SLC34A1: variants seen among roughly 807,000 people sequenced by gnomAD.
SLC34A1 encodes the protein sodium-dependent phosphate transport protein 2A.
SLC34A1 carries 57 observed loss-of-function variants against 51.4 expected under a neutral mutation model. The observed-to-expected ratio is 1.11, with a 90% CI of 0.90 to 1.38. SLC34A1 has a LOEUF of 1.38. SLC34A1 is among the 40% of genes most tolerant of loss of function. SLC34A1 has a pLI of 0.00. For synonymous variants in SLC34A1, 368 were observed against 358.0 expected, an observed-to-expected ratio of 1.03 and a Z score of -0.32; for missense variants, 796 against 835.6, an observed-to-expected ratio of 0.95 and a Z score of 0.58.
At chr5:177,397,297 TGA>T (rs1763002835) in intron 12 of SLC34A1, 1 of 580,172 alleles carries the variant, frequency 1.7e-6, no homozygotes, top group Non-Finnish European at 3.0e-6. Flanking sequence ...TAAATAGCAG[TGA>T]GTCGGATTTG....
rs1419418738 is a variant in SLC34A1, at chr5:177,386,241, C to A, written c.280C>A (p.Leu94Met). 11 of 1,544,004 alleles carry A rather than the reference C, an allele frequency of 7.1e-6. 1 individual carries two copies. The South Asian group carries it at 7.8e-5, about 11-fold the overall frequency. Residue 94 changes from leucine to methionine, a missense_variant, in exon 4 of 13, where the codon CTG (leucine) becomes ATG (methionine). Physicochemically the swap from Leu to Met is conservative, Grantham distance 15 (BLOSUM62 2). Coordinates refer to ENST00000324417, the MANE Select transcript of SLC34A1 (RefSeq NM_003052.5). The surrounding 1 kb of genome is among the most constrained non-coding windows in gnomAD (Gnocchi z 4.8). ...QKPESRLVPK[L>M]RQAGAMLLKV... The stretch of plus-strand genomic sequence containing the variant: ...TCCAGAGTCCAGGCTGGTCCCCAAG[C>A]TGCGCCAGGCTGGCGCCATGCTGCT...
chr5:177,385,549 C>T (rs550839296), intron 1 of SLC34A1, 146 bp from the exon 2 acceptor site: 11 of 645,740 alleles, frequency 1.7e-5, no homozygotes, highest in South Asian at 8.5e-5. Flanking sequence ...TGTGTTTGTG[C>T]GTGTGAGTCT....
intron 12 of SLC34A1, 124 bp from the exon 13 acceptor site, chr5:177,397,659 C>A: frequency 7.7e-7 from 1 of 1,304,088 alleles, no homozygotes; most frequent in Non-Finnish European, 1.1e-6. Flanking sequence ...GGGCACATCA[C>A]CCCTAAGTGG....
At chr5:177,397,701 T>C in intron 12 of SLC34A1, 82 bp from the exon 13 acceptor site, 1 of 1,571,316 alleles carries the variant, frequency 6.4e-7, no homozygotes, top group South Asian at 1.1e-5. Context: ...CAGATCGGGG[T>C]TCCTATCATC....
Position 177,385,798 on chromosome 5 carries a change from T to TG in SLC34A1, c.63dup (p.His22AlafsTer38), listed in dbSNP as rs1410314440. ...CTGCTGTCTCCCCACTCCCAGTCCG[T>TG]GGGGGGCATGTGATGCGAGGGACGG... On this transcript the variant is annotated frameshift_variant, in exon 2 of 13. Transcript: ENST00000324417. LOFTEE classifies it high-confidence loss of function. 1.9e-6 allele frequency: 3 copies of TG among 1,613,258 alleles called. No individual in the cohort carries two copies. The highest frequency in any genetic ancestry group is 1.1e-5 in the South Asian group (1 of 90,834).
intron 9 of SLC34A1, 55 bp downstream of exon 9, chr5:177,393,818 T>C: frequency 1.3e-6 from 2 of 1,580,970 alleles, no homozygotes; most frequent in Non-Finnish European, 1.7e-6. Flanking sequence ...AGCCTAGCAG[T>C]GGCAGGGCAA....
chr5:177,398,019 G>A lies in SLC34A1; in HGVS notation c.1653G>A (p.Leu551=), dbSNP rs192289984. 3 of 1,614,106 alleles carry A rather than the reference G, an allele frequency of 1.9e-6. No individual in the cohort carries two copies. Among genetic ancestry groups the A allele is most frequent in the Admixed American group, 3.3e-5 (2 of 60,030 alleles). Residue 551 remains leucine, a synonymous_variant, in exon 13 of 13, where the codon CTG becomes CTA. Coordinates refer to ENST00000324417, the MANE Select transcript of SLC34A1 (RefSeq NM_003052.5). The surrounding 1 kb of genome is among the most constrained non-coding windows in gnomAD (Gnocchi z 4.7). ...GTGTGGGCACGCCCTTCGGGGCCCT[G>A]CTGGCCTTCGTGGTGCTCATCAATG... The part of the protein sequence containing the change: ...MVGVGTPFGA[L]LAFVVLINVL...
intron 8 of SLC34A1, among the ~76,000 whole-genome samples, chr5:177,389,239 A>G (rs1286336752): frequency 6.6e-6 from 1 of 152,186 alleles, no homozygotes; most frequent in Non-Finnish European, 1.5e-5. Context: ...CATCCAAACC[A>G]CAATGCACCA....
intron 12 of SLC34A1, 57 bp downstream of exon 12, chr5:177,397,131 G>A: frequency 7.5e-6 from 12 of 1,594,374 alleles, no homozygotes; most frequent in Non-Finnish European, 1.0e-5. Flanking sequence ...TGGGGTGTGG[G>A]GCCTCACAAA....
chr5:177,393,669 C>T (rs1457651674), intron 8 of SLC34A1, 25 bp from the exon 9 acceptor site: 2 of 1,613,126 alleles, frequency 1.2e-6, no homozygotes, highest in Non-Finnish European at 1.7e-6. Flanking sequence ...TCCTAATTCA[C>T]TAAGTCACCC....
In SLC34A1 at chr5:177,387,806, A is replaced by T. The variant is rs768799964; in HGVS notation, c.577A>T (p.Ile193Phe). Reference sequence around the variant, plus strand: ...CATCCCCATCATCATGGGCTCCAACATCGGCACCTCTGTCACCAACACCAT... The same window carrying T: ...CATCCCCATCATCATGGGCTCCAACTTCGGCACCTCTGTCACCAACACCAT... Reference protein sequence around the residue: ...SAIPIIMGSNIGTSVTNTIVA... With the variant: ...SAIPIIMGSNFGTSVTNTIVA... Residue 193 changes from isoleucine to phenylalanine, a missense_variant, in exon 6 of 13, where the codon ATC (isoleucine) becomes TTC (phenylalanine). Physicochemically the swap from Ile to Phe is conservative, Grantham distance 21. Coordinates refer to ENST00000324417, the MANE Select transcript of SLC34A1 (RefSeq NM_003052.5). The T allele has an allele frequency of 2.3e-5, 37 of 1,612,410 alleles. 1 individual carries two copies. In the South Asian group the frequency reaches 4.1e-4, roughly 18 times the overall value.
Position 177,389,756 on chromosome 5 carries a change from G to T in SLC34A1, c.936+1384G>T, listed in dbSNP as rs563693897. Reference sequence around the variant, plus strand: ...CTGCCGGCCACCTACTGCAGCTTCCGGCAGATCTCAACCAGCAGCCTCCAC... The same window carrying T: ...CTGCCGGCCACCTACTGCAGCTTCCTGCAGATCTCAACCAGCAGCCTCCAC... On this transcript the variant is annotated intron_variant, in intron 8 of 12. Transcript: ENST00000324417. 8.0e-5 allele frequency: 123 copies of T among 1,536,970 alleles called. No homozygotes were observed. The Middle Eastern group carries it at 1.7e-3, about 21-fold the overall frequency.
chr5:177,397,736 C>CA, intron 12 of SLC34A1, 47 bp from the exon 13 acceptor site: 1 of 1,600,286 alleles, frequency 6.2e-7, no homozygotes, highest in Non-Finnish European at 8.5e-7. Context: ...TGACACAGGA[C>CA]CTGGGAGCCA....
intron 5 of SLC34A1, 23 bp from the exon 6 acceptor site, chr5:177,387,739 T>C (rs1405066851): frequency 6.3e-7 from 1 of 1,597,082 alleles, no homozygotes; most frequent in Non-Finnish European, 8.6e-7. Context: ...TCAAATTCAT[T>C]AGGACGTCTT....
rs759023025 is a variant in SLC34A1 at position 177,396,197 on chromosome 5, G to A, written c.1175-536G>A. Among the ~76,000 whole-genome samples the A allele has an allele frequency of 2.0e-5, 3 of 152,206 alleles. No homozygotes were observed. The highest frequency in any genetic ancestry group is 2.9e-5 in the Non-Finnish European group (2 of 68,034). On this transcript the variant is annotated intron_variant, in intron 10 of 12. Coordinates refer to ENST00000324417, the MANE Select transcript of SLC34A1 (RefSeq NM_003052.5). The surrounding 1 kb of genome is among the most constrained non-coding windows in gnomAD (Gnocchi z 4.0). ...GGAGAAAAAGTCTGCTCCAGAGCAG[G>A]GGGTCAGGGAAGGCTTTCCAGAGGA...
Position 177,396,975 on chromosome 5 carries a change from G to A in SLC34A1, c.1317G>A (p.Arg439=), listed in dbSNP as rs1297441641. The part of the protein sequence containing the change: ...LIGLGVISIE[R]AYPLTLGSNI... ...GTCTTGGTGTGATCAGCATTGAGAG[G>A]GCCTACCCGCTCACACTGGGTTCCA... The change falls in exon 12 of 13, where the codon AGG becomes AGA. Residue 439 remains arginine (R), a synonymous_variant. Transcript: ENST00000324417. The surrounding 1 kb of genome is among the most constrained non-coding windows in gnomAD (Gnocchi z 4.0). 1 of 1,614,010 alleles carries A rather than the reference G, an allele frequency of 6.2e-7. No individual in the cohort carries two copies. The highest frequency in any genetic ancestry group is 1.3e-5 in the African/African-American group (1 of 74,932).
At chr5:177,397,243 G>C in intron 12 of SLC34A1, 169 bp downstream of exon 12, 1 of 740,562 alleles carries the variant, frequency 1.4e-6, no homozygotes, top group East Asian at 2.7e-5. Context: ...CCACCCTCGA[G>C]ACCTTAGCAT....
chr5:177,395,817 A>G (rs1762937266), intron 10 of SLC34A1, among the ~76,000 whole-genome samples: 1 of 152,152 alleles, frequency 6.6e-6, no homozygotes, highest in African/African-American at 2.4e-5. Flanking sequence ...TATTTTTAGT[A>G]GAGACAGGGT....
In SLC34A1 at chr5:177,396,407, TCTCTCCCAGTGCCCCCGCGGAGATCCG is replaced by T. The variant is rs1561634400; in HGVS notation, c.1175-303_1175-277del. Among the ~76,000 whole-genome samples the T allele has an allele frequency of 7.2e-4, 108 of 150,898 alleles. No homozygotes were observed. Among genetic ancestry groups the T allele is most frequent in the South Asian group, 1.7e-3 (8 of 4,758 alleles). On this transcript the variant is annotated intron_variant, in intron 10 of 12. Coordinates refer to ENST00000324417, the MANE Select transcript of SLC34A1 (RefSeq NM_003052.5). This position sits in a 1 kb window ranked among gnomAD's most constrained non-coding sequence, Gnocchi z 4.0. ...TGGGAGCAAACCCCCATGGAGGTCGTCTCTCCCAGTGCCCCCGCGGAGATCCGCTCTCCCAGTGCCCCCGCGGAGGTC... is the reference window on the plus strand; with the variant it reads ...TGGGAGCAAACCCCCATGGAGGTCGTCTCTCCCAGTGCCCCCGCGGAGGTC...
Sources: allele counts gnomAD v4.1 joint callset (sites outside exome capture counted in the v4.1 genomes callset), GRCh38; gene constraint gnomAD v4.1.1; non-coding constraint Gnocchi (gnomAD v3.1); transcripts MANE v1.5; gene names NCBI Gene and HGNC (gene_info 2026-07-23, HGNC 2026-07-21).